Variants in ZNF652 observed in about 807,000 individuals in gnomAD.
ZNF652 encodes the protein zinc finger protein 652.
A neutral mutation model predicts 45.2 loss-of-function variants in ZNF652; 16 were observed. That is an observed-to-expected ratio of 0.35 (90% CI 0.24 to 0.54). The LOEUF (loss-of-function observed/expected upper bound fraction) is 0.54. Ranked by LOEUF, ZNF652 falls within the 20% of genes least tolerant of loss-of-function variation. The pLI is 0.91. For missense variants in ZNF652, 614 were observed against 765.6 expected (o/e 0.80, Z 2.34); for synonymous variants, 250 against 260.6 (o/e 0.96, Z 0.39).
At chr17:49,347,752 T>G (rs936610004) in intron 1 of ZNF652, among the ~76,000 whole-genome samples, 1 of 144,024 alleles carries the variant, frequency 6.9e-6, no homozygotes, top group Non-Finnish European at 1.5e-5. Flanking sequence ...TTTTTTTTTT[T>G]TTTTTTTTTT....
At chr17:49,342,474 G>T (rs2070157765) in intron 1 of ZNF652, among the ~76,000 whole-genome samples, 1 of 141,852 alleles carries the variant, frequency 7.0e-6, no homozygotes, top group Non-Finnish European at 1.5e-5. Context: ...GTTTCATTTT[G>T]AGTATAGTGT....
At chr17:49,342,271 T>C (rs1217415167) in intron 1 of ZNF652, among the ~76,000 whole-genome samples, 1 of 152,134 alleles carries the variant, frequency 6.6e-6, no homozygotes, top group African/African-American at 2.4e-5. Flanking sequence ...TGAGATAAGC[T>C]TTCTATAAAC....
At chr17:49,351,749 G>A (rs2070285047) in intron 1 of ZNF652, among the ~76,000 whole-genome samples, 1 of 152,162 alleles carries the variant, frequency 6.6e-6, no homozygotes, top group African/African-American at 2.4e-5. Context: ...TTGGGAGGCT[G>A]AGATGGGAGG....
chr17:49,304,955 C>G (rs908478054), intron 5 of ZNF652, among the ~76,000 whole-genome samples: 6 of 151,830 alleles, frequency 4.0e-5, no homozygotes, highest in African/African-American at 1.5e-4. Context: ...TAACTGAAAT[C>G]TTTCTTGAAC....
intron 5 of ZNF652, among the ~76,000 whole-genome samples, chr17:49,304,890 A>C (rs1341468748): frequency 6.6e-6 from 1 of 151,094 alleles, no homozygotes; most frequent in Non-Finnish European, 1.5e-5. Context: ...ATATATATAT[A>C]TATATACACA....
intron 1 of ZNF652, among the ~76,000 whole-genome samples, chr17:49,333,545 T>TTAAAAA (rs1453658365): frequency 1.9e-4 from 9 of 48,108 alleles, no homozygotes; most frequent in Admixed American, 5.1e-4. Flanking sequence ...CTGTCTCTAC[T>TTAAAAA]AAAAAAAAAA....
At chr17:49,351,015 A>ATG in intron 1 of ZNF652, among the ~76,000 whole-genome samples, 1 of 24,434 alleles carries the variant, frequency 4.1e-5, no homozygotes, top group South Asian at 1.1e-3. Context: ...ATATATATAT[A>ATG]CACACACACA....
At position 49,291,680 on chromosome 17, in the gene ZNF652, T is replaced by C. The variant is rs141976371; in HGVS notation, c.*6733A>G. On this transcript the variant is annotated 3_prime_UTR_variant, in exon 6 of 6. Coordinates refer to ENST00000430262, the MANE Select transcript of ZNF652 (RefSeq NM_001145365.3). The stretch of plus-strand genomic sequence containing the variant: ...ACAAGCAAGTACAGCTCTCCGTTGT[T>C]TTATGGCCTGGGACCCTGAAGAGAA... The C allele has an allele frequency of 6.6e-6, 1 of 152,346 alleles. No homozygotes were observed. 9.4% of individuals were successfully genotyped at this position (152,346 alleles called of 1,614,324 possible).
At position 49,298,881 on chromosome 17, in the gene ZNF652, G is replaced by C. The variant is rs752323732; in HGVS notation, c.1353C>G (p.Thr451=). The stretch of plus-strand genomic sequence containing the variant: ...GGTGTCTCTTCATGTTGGGGCGGCT[G>C]GTGAAGCTTTTGCCACAGATTTCAC... ...FICEICGKSF[T]SRPNMKRHRR... The change falls in exon 6 of 6, where the codon ACC becomes ACG. Residue 451 remains threonine (T), a synonymous_variant. Coordinates refer to ENST00000430262, the MANE Select transcript of ZNF652 (RefSeq NM_001145365.3). 6.2e-7 allele frequency: 1 copy of C among 1,613,164 alleles called. No homozygotes were observed. Among genetic ancestry groups the C allele is most frequent in the South Asian group, 1.1e-5 (1 of 91,060 alleles).
Position 49,348,164 on chromosome 17 carries a change from A to G in ZNF652, c.-259+13745T>C, listed in dbSNP as rs139006864. ...AATTAGCAAAATTCAGACTATGGAA[A>G]ACTATACAACAAATAACTTGGATTC... On this transcript the variant is annotated intron_variant, in intron 1 of 5. Transcript: ENST00000430262. Among the ~76,000 whole-genome samples, 1,164 of 152,220 alleles carry G rather than the reference A, an allele frequency of 7.6e-3. 11 individuals carry two copies. The highest frequency in any genetic ancestry group is 0.021 in the East Asian group (110 of 5,188).
chr17:49,358,610 CTCT>C (rs2070362094), intron 1 of ZNF652, among the ~76,000 whole-genome samples: 1 of 152,112 alleles, frequency 6.6e-6, no homozygotes, highest in Non-Finnish European at 1.5e-5. Context: ...TCTAGTTTAC[CTCT>C]TCGTTAGGCT....
chr17:49,359,752 G>A (rs977874380), intron 1 of ZNF652, among the ~76,000 whole-genome samples: 2 of 152,108 alleles, frequency 1.3e-5, no homozygotes, highest in African/African-American at 4.8e-5. Flanking sequence ...TATATATGGA[G>A]GCTGAATTCC....
chr17:49,300,328 T>A (rs2069535096), intron 5 of ZNF652, among the ~76,000 whole-genome samples: 1 of 152,084 alleles, frequency 6.6e-6, no homozygotes, highest in Admixed American at 6.6e-5. Flanking sequence ...AGGGAGGGTG[T>A]TGGGGGCTAC....
At chr17:49,353,866 G>A (rs2070307340) in intron 1 of ZNF652, among the ~76,000 whole-genome samples, 1 of 152,172 alleles carries the variant, frequency 6.6e-6, no homozygotes, top group Non-Finnish European at 1.5e-5. Context: ...CCCTGCAAGA[G>A]TTGGCTTCTG....
chr17:49,362,304 C>T (rs1465449798), upstream of ZNF652: 1 of 151,180 alleles, frequency 6.6e-6, no homozygotes, highest in Admixed American at 6.6e-5. Flanking sequence ...CCTCGCTGGC[C>T]CCCCCGCCCA....
chr17:49,325,423 A>G (rs2069946404), intron 1 of ZNF652, among the ~76,000 whole-genome samples: 2 of 152,344 alleles, frequency 1.3e-5, no homozygotes, highest in East Asian at 3.9e-4. Flanking sequence ...CAATTATAAC[A>G]GTAACATCAA....
chr17:49,327,726 AATAAATATATATATATATATATATATAT>A (rs1335462119), intron 1 of ZNF652, among the ~76,000 whole-genome samples: 1,073 of 75,902 alleles, frequency 0.014, 29 homozygotes, highest in South Asian at 0.025. Context: ...CTTTTAAATA[AATAAATATATATATATATATATATATAT>A]ATATATATAT....
rs2069429136 is a variant in ZNF652, at chr17:49,293,414, T to TA, written c.*4998dup. ...CAAAAAGATCTGATCATAAAGTCTA[T>TA]AAAAAAGTCTAGAAAGTATAAAAGT... On this transcript the variant is annotated 3_prime_UTR_variant, in exon 6 of 6. Transcript: ENST00000430262. Among the ~76,000 whole-genome samples the TA allele has an allele frequency of 6.6e-6, 1 of 152,048 alleles. No homozygotes were observed. Among genetic ancestry groups the TA allele is most frequent in the African/African-American group, 2.4e-5 (1 of 41,418 alleles).
intron 5 of ZNF652, among the ~76,000 whole-genome samples, chr17:49,299,740 G>C (rs184505014): frequency 6.6e-6 from 1 of 151,830 alleles, no homozygotes; most frequent in East Asian, 1.9e-4. Context: ...GCAGTGGTGT[G>C]ATCACAGCTC....
Sources: gnomAD v4.1 joint callset for allele counts (sites outside exome capture counted in the v4.1 genomes callset) on GRCh38, gnomAD v4.1.1 for gene constraint, MANE v1.5 for transcripts, NCBI Gene and HGNC (gene_info 2026-07-23, HGNC 2026-07-21) for gene names.